Variants in CHSY3 observed in about 807,000 individuals in gnomAD.
CHSY3 encodes the protein chondroitin sulfate synthase 3.
Under a neutral mutation model 67.2 loss-of-function variants are expected in CHSY3, and 35 were observed. The ratio of observed to expected loss-of-function variants is 0.52; its 90% CI spans 0.40 to 0.69. The LOEUF (loss-of-function observed/expected upper bound fraction) is 0.69, where lower values mean the gene tolerates loss of function less well. Ranked by LOEUF, CHSY3 falls within the 30% of genes least tolerant of loss-of-function variation. The pLI is 0.00. For synonymous variants in CHSY3, 474 were observed against 434.7 expected, an observed-to-expected ratio of 1.09 and a Z score of -1.12; for missense variants, 1,069 against 1,138.5, an observed-to-expected ratio of 0.94 and a Z score of 0.88.
At chr5:130,030,718 G>T (rs1257371567) in intron 2 of CHSY3, among the ~76,000 whole-genome samples, 1 of 152,046 alleles carries the variant, frequency 6.6e-6, no homozygotes, top group Non-Finnish European at 1.5e-5. Flanking sequence ...TAATCCCACA[G>T]AGCCTTCCAG....
chr5:130,141,086 A>G lies in CHSY3; in HGVS notation c.1087-43143A>G, dbSNP rs191991167. 3.8e-5 allele frequency: 10 copies of G among 265,190 alleles called. No individual in the cohort carries two copies. In the Admixed American group the frequency reaches 4.6e-4, roughly 12 times the overall value. 16.4% of individuals were successfully genotyped at this position (265,190 alleles called of 1,614,324 possible). A position where few individuals can be genotyped will look rare whatever the true frequency, so the allele number is the denominator to read the frequency against. Reference sequence around the variant, plus strand: ...TTTGTAGCTTCTCCAGACTTCTTTAATGAAAATGAGCTGAATGAGTATCAA... The same window carrying G: ...TTTGTAGCTTCTCCAGACTTCTTTAGTGAAAATGAGCTGAATGAGTATCAA... On this transcript the variant is annotated intron_variant, in intron 2 of 2. Coordinates refer to ENST00000305031, the MANE Select transcript of CHSY3 (RefSeq NM_175856.5).
intron 2 of CHSY3, among the ~76,000 whole-genome samples, chr5:130,064,424 C>T (rs1765816306): frequency 6.6e-6 from 1 of 152,084 alleles, no homozygotes; most frequent in African/African-American, 2.4e-5. Flanking sequence ...CTATGTATTG[C>T]TTTAATTCTT....
At chr5:130,043,512 C>T (rs1001510626) in intron 2 of CHSY3, among the ~76,000 whole-genome samples, 4 of 152,176 alleles carry the variant, frequency 2.6e-5, no homozygotes, top group African/African-American at 7.2e-5. Flanking sequence ...GTCTTGTCCA[C>T]GTGGGTCTGT....
chr5:129,958,077 T>C (rs1762229095), intron 2 of CHSY3, among the ~76,000 whole-genome samples: 1 of 152,204 alleles, frequency 6.6e-6, no homozygotes, highest in Non-Finnish European at 1.5e-5. Context: ...TTAAAACTTC[T>C]AAATATTTGT....
chr5:129,952,874 A>G (rs1044648634), intron 2 of CHSY3, among the ~76,000 whole-genome samples: 2 of 152,228 alleles, frequency 1.3e-5, no homozygotes, highest in African/African-American at 4.8e-5. Context: ...AAACACTGTA[A>G]GGTGAATATT....
chr5:130,114,877 A>G (rs1482590158), intron 2 of CHSY3, among the ~76,000 whole-genome samples: 1 of 152,078 alleles, frequency 6.6e-6, no homozygotes, highest in Non-Finnish European at 1.5e-5. Context: ...TCTGTTGCCT[A>G]CAGGACCATC....
At chr5:130,144,652 A>G (rs1049248235) in intron 2 of CHSY3, among the ~76,000 whole-genome samples, 1 of 152,160 alleles carries the variant, frequency 6.6e-6, no homozygotes. Flanking sequence ...TGGAAAAAAA[A>G]TCTTAATTTT....
At chr5:129,939,519 G>A (rs939254611) in intron 2 of CHSY3, among the ~76,000 whole-genome samples, 1 of 152,014 alleles carries the variant, frequency 6.6e-6, no homozygotes, top group African/African-American at 2.4e-5. Context: ...AGAGCCTCAG[G>A]TACTATGTTT....
intron 2 of CHSY3, among the ~76,000 whole-genome samples, chr5:130,111,119 A>T (rs1767580255): frequency 6.6e-6 from 1 of 152,112 alleles, no homozygotes; most frequent in African/African-American, 2.4e-5. Flanking sequence ...TGATGAGCAC[A>T]GCAGCTCAAA....
At chr5:130,171,987 A>G (rs1489425189) in intron 2 of CHSY3, among the ~76,000 whole-genome samples, 1 of 152,168 alleles carries the variant, frequency 6.6e-6, no homozygotes, top group East Asian at 1.9e-4. Flanking sequence ...CCTTAGGCAT[A>G]GCTCAGTGCT....
chr5:130,001,567 C>T, intron 2 of CHSY3: 1 of 873,338 alleles, frequency 1.1e-6, no homozygotes, highest in Non-Finnish European at 1.4e-6. Flanking sequence ...CCTGTCCTTG[C>T]CTTTATTCCA....
chr5:130,101,283 C>A (rs1339669779), intron 2 of CHSY3, among the ~76,000 whole-genome samples: 2 of 152,118 alleles, frequency 1.3e-5, no homozygotes, highest in Non-Finnish European at 2.9e-5. Context: ...TAAATGCTGT[C>A]TTTTACTGTA....
chr5:130,178,932 A>G (rs1467826700), intron 2 of CHSY3, among the ~76,000 whole-genome samples: 1 of 152,168 alleles, frequency 6.6e-6, no homozygotes. Flanking sequence ...GGTTCAATTT[A>G]AGTTTATTCT....
intron 2 of CHSY3, among the ~76,000 whole-genome samples, chr5:130,016,678 G>A (rs1764229145): frequency 6.6e-6 from 1 of 152,202 alleles, no homozygotes; most frequent in South Asian, 2.1e-4. Flanking sequence ...CGAAGTGCTG[G>A]GATCACAGGC....
At chr5:130,067,039 T>C (rs544799840) in intron 2 of CHSY3, among the ~76,000 whole-genome samples, 2 of 152,176 alleles carry the variant, frequency 1.3e-5, no homozygotes, top group Admixed American at 6.6e-5. Flanking sequence ...ATTTCATTTT[T>C]ATTTTCTTCA....
At chr5:130,013,340 A>G (rs886250897) in intron 2 of CHSY3, among the ~76,000 whole-genome samples, 13 of 152,146 alleles carry the variant, frequency 8.5e-5, no homozygotes, top group Non-Finnish European at 1.9e-4. Flanking sequence ...TCCACCAGGC[A>G]ATGCCCTAGT....
intron 2 of CHSY3, among the ~76,000 whole-genome samples, chr5:130,012,387 G>T (rs1047247119): frequency 6.6e-6 from 1 of 152,196 alleles, no homozygotes; most frequent in Non-Finnish European, 1.5e-5. Context: ...TAGCTGGTTA[G>T]CCATTTGCTG....
At chr5:130,083,731 A>G (rs1426699984) in intron 2 of CHSY3, among the ~76,000 whole-genome samples, 1 of 152,044 alleles carries the variant, frequency 6.6e-6, no homozygotes, top group African/African-American at 2.4e-5. Context: ...CTTGACATAC[A>G]GTGTTCTGGA....
intron 2 of CHSY3, among the ~76,000 whole-genome samples, chr5:130,031,951 GA>G (rs1279589736): frequency 6.6e-6 from 1 of 152,142 alleles, no homozygotes; most frequent in East Asian, 1.9e-4. Flanking sequence ...CTCAGGAGAA[GA>G]AATTATCTTC....
Sources: gnomAD v4.1 joint callset for allele counts (sites outside exome capture counted in the v4.1 genomes callset) on GRCh38, gnomAD v4.1.1 for gene constraint, MANE v1.5 for transcripts, NCBI Gene and HGNC (gene_info 2026-07-23, HGNC 2026-07-21) for gene names.